Variants in STK38 observed in about 807,000 individuals in gnomAD.
The protein encoded by STK38 is serine/threonine-protein kinase 38.
STK38 carries 26 observed loss-of-function variants against 59.0 expected under a neutral mutation model. The observed-to-expected ratio is 0.44, with a 90% CI of 0.32 to 0.61. The LOEUF (loss-of-function observed/expected upper bound fraction) is 0.61. STK38 is among the 20% of genes least tolerant of loss of function. The probability of loss-of-function intolerance (pLI) is 0.04; values close to 1 mark genes in which losing one functional copy is unlikely to be tolerated. For synonymous variants in STK38, 175 were observed against 176.6 expected (o/e 0.99, Z 0.07); for missense variants, 433 against 566.0 (o/e 0.76, Z 2.38).
At chr6:36,507,930 A>ATTTTTTT (rs35789250) in intron 7 of STK38, among the ~76,000 whole-genome samples, 11 of 113,254 alleles carry the variant, frequency 9.7e-5, no homozygotes, top group African/African-American at 2.2e-4. Flanking sequence ...GGTATTCAGA[A>ATTTTTTT]TTTTTTTTTT....
chr6:36,507,361 G>C, intron 8 of STK38, 139 bp downstream of exon 8: 1 of 736,892 alleles, frequency 1.4e-6, no homozygotes, highest in South Asian at 1.8e-5. Flanking sequence ...ACAAATCACA[G>C]GCAAACCTGG....
intron 5 of STK38, among the ~76,000 whole-genome samples, chr6:36,520,643 T>C (rs943235403): frequency 6.6e-6 from 1 of 152,202 alleles, no homozygotes; most frequent in Non-Finnish European, 1.5e-5. Flanking sequence ...GTAGATAGTA[T>C]GTAAGTAGGC....
intron 12 of STK38, 46 bp downstream of exon 12, chr6:36,497,734 C>T: frequency 2.0e-6 from 3 of 1,479,524 alleles, no homozygotes; most frequent in Non-Finnish European, 2.8e-6. Flanking sequence ...ATTAAGTAAA[C>T]TAGAGACTTT....
intron 1 of STK38, among the ~76,000 whole-genome samples, chr6:36,542,379 G>T (rs1777959043): frequency 6.6e-6 from 1 of 152,146 alleles, no homozygotes; most frequent in African/African-American, 2.4e-5. Context: ...TCTAGTGGTA[G>T]AAGCAGCAAT....
intron 4 of STK38, 59 bp downstream of exon 4, chr6:36,524,281 TG>T (rs1290251554): frequency 4.5e-6 from 7 of 1,557,094 alleles, no homozygotes; most frequent in African/African-American, 1.4e-5. Context: ...CTTAATGGTA[TG>T]TTAGAAGCTT....
intron 2 of STK38, among the ~76,000 whole-genome samples, chr6:36,528,467 A>T (rs1388469562): frequency 6.6e-6 from 1 of 152,202 alleles, no homozygotes; most frequent in Non-Finnish European, 1.5e-5. Context: ...AGTCAAGAGA[A>T]AAACCTTAGA....
intron 2 of STK38, among the ~76,000 whole-genome samples, chr6:36,537,178 T>A (rs1777813447): frequency 6.6e-6 from 1 of 152,084 alleles, no homozygotes; most frequent in African/African-American, 2.4e-5. Flanking sequence ...ATGTTCAACA[T>A]CATTAGTCAT....
chr6:36,501,480 GACAAT>G (rs955930457), intron 9 of STK38, among the ~76,000 whole-genome samples: 14 of 150,848 alleles, frequency 9.3e-5, no homozygotes, highest in African/African-American at 3.2e-4. Flanking sequence ...AAAAGGAACA[GACAAT>G]ACAATACAGA....
rs146344906 is a variant in STK38 at position 36,531,848 on chromosome 6, G to A, written c.132-6206C>T. On this transcript the variant is annotated intron_variant, in intron 2 of 13. Transcript: ENST00000229812. ...TTCTTTCTTCTATCTCTGGGCTTTGGACACGTATGGCCTTGCAGTAAGCCC... is the reference window on the plus strand; with the variant it reads ...TTCTTTCTTCTATCTCTGGGCTTTGAACACGTATGGCCTTGCAGTAAGCCC... Among the ~76,000 whole-genome samples the A allele has an allele frequency of 1.8e-3, 267 of 152,194 alleles. 1 individual carries two copies. Among genetic ancestry groups the A allele is most frequent in the Non-Finnish European group, 3.1e-3 (208 of 68,010 alleles).
intron 7 of STK38, among the ~76,000 whole-genome samples, chr6:36,513,915 G>A (rs1421984742): frequency 6.7e-6 from 1 of 149,840 alleles, no homozygotes; most frequent in Non-Finnish European, 1.5e-5. Context: ...CAGCACTTTG[G>A]GAGGCCAAGG....
intron 2 of STK38, among the ~76,000 whole-genome samples, chr6:36,529,126 A>G (rs562677478): frequency 6.6e-6 from 1 of 152,340 alleles, no homozygotes; most frequent in Admixed American, 6.5e-5. Flanking sequence ...ATCCTCTGTG[A>G]GATGACATCA....
rs898625518 is a variant in STK38 at position 36,495,761 on chromosome 6, CAT to C, written c.*21_*22del. Reference sequence around the variant, plus strand: ...ATGTTATACAAAGAACTCTGCTCCACATAGGATTCCGTGGCAAGAGTACTATT... The same window carrying C: ...ATGTTATACAAAGAACTCTGCTCCACAGGATTCCGTGGCAAGAGTACTATT... On this transcript the variant is annotated 3_prime_UTR_variant, in exon 14 of 14. Coordinates refer to ENST00000229812, the MANE Select transcript of STK38 (RefSeq NM_007271.4). The C allele has an allele frequency of 1.1e-5, 18 of 1,613,102 alleles. No homozygotes were observed. The highest frequency in any genetic ancestry group is 1.5e-5 in the Non-Finnish European group (18 of 1,179,468).
intron 6 of STK38, among the ~76,000 whole-genome samples, chr6:36,516,604 A>C (rs1262804726): frequency 6.6e-6 from 1 of 152,230 alleles, no homozygotes; most frequent in Non-Finnish European, 1.5e-5. Flanking sequence ...ATGATTTCCT[A>C]ATCACTCCTG....
At position 36,525,795 on chromosome 6, in the gene STK38, G is replaced by A. The variant is rs114471535; in HGVS notation, c.132-153C>T. Among the ~76,000 whole-genome samples, 1,237 of 151,920 alleles carry A rather than the reference G, an allele frequency of 8.1e-3. 17 individuals carry two copies. Among genetic ancestry groups the A allele is most frequent in the African/African-American group, 0.026 (1,071 of 41,406 alleles). On this transcript the variant is annotated intron_variant, in intron 2 of 13. Transcript: ENST00000229812. ...AAAACAAAAAAAATTAAGTTACTAA[G>A]ACAAGTAAAAAGATTTCCATCCTTT... is the stretch of plus-strand genomic sequence containing the variant.
At chr6:36,500,847 AT>A (rs1776821821) in intron 9 of STK38, among the ~76,000 whole-genome samples, 1 of 152,102 alleles carries the variant, frequency 6.6e-6, no homozygotes, top group Non-Finnish European at 1.5e-5. Flanking sequence ...ATTTGACACA[AT>A]CATAAAGGGA....
Position 36,507,436 on chromosome 6 carries a change from C to T in STK38, c.772+64G>A. The T allele has an allele frequency of 2.2e-6, 3 of 1,351,252 alleles. No individual in the cohort carries two copies. The South Asian group carries it at 3.6e-5, about 16-fold the overall frequency. 83.7% of individuals were successfully genotyped at this position (1,351,252 alleles called of 1,614,324 possible). ...TCTCCTATCTGTTCTAATTTGGTTACAAGGGAAACAGCTCTTCTAGGCCCA... is the reference window on the plus strand; with the variant it reads ...TCTCCTATCTGTTCTAATTTGGTTATAAGGGAAACAGCTCTTCTAGGCCCA... On this transcript the variant is annotated intron_variant, in intron 8 of 13. Transcript: ENST00000229812.
chr6:36,507,150 CTTCT>C (rs1413854161), intron 8 of STK38, among the ~76,000 whole-genome samples: 2 of 152,118 alleles, frequency 1.3e-5, no homozygotes, highest in Non-Finnish European at 2.9e-5. Flanking sequence ...TAAAGATAAA[CTTCT>C]TTCTGTCATG....
At chr6:36,522,587 T>G (rs995310332) in intron 4 of STK38, 5 of 152,018 alleles carry the variant, frequency 3.3e-5, no homozygotes, top group African/African-American at 1.2e-4. Flanking sequence ...CCAGGCGCGG[T>G]AGCTCACACC....
At chr6:36,518,287 T>G (rs1777301525) in intron 5 of STK38, among the ~76,000 whole-genome samples, 1 of 152,222 alleles carries the variant, frequency 6.6e-6, no homozygotes, top group African/African-American at 2.4e-5. Context: ...TAGAATGCTA[T>G]GATACCACAG....
Sources: gnomAD v4.1 joint callset for allele counts (sites outside exome capture counted in the v4.1 genomes callset) on GRCh38, gnomAD v4.1.1 for gene constraint, MANE v1.5 for transcripts, NCBI Gene and HGNC (gene_info 2026-07-23, HGNC 2026-07-21) for gene names.